IL1RAPL1: variants seen among roughly 807,000 people sequenced by gnomAD.
IL1RAPL1 encodes the protein interleukin 1 receptor accessory protein like 1.
In IL1RAPL1, 3 loss-of-function variants were observed where a neutral mutation model predicts 48.4. That is an observed-to-expected ratio of 0.06 (90% CI 0.03 to 0.16). The LOEUF (loss-of-function observed/expected upper bound fraction) is 0.16, where lower values mean the gene tolerates loss of function less well. Ranked by LOEUF, IL1RAPL1 falls within the 10% of genes least tolerant of loss-of-function variation. The pLI is 1.00. For synonymous variants in IL1RAPL1, 185 were observed against 187.7 expected (o/e 0.99, Z 0.12); for missense variants, 349 against 530.6 (o/e 0.66, Z 3.36).
chrX:29,137,110 GCTTACTGCTTACCTTGGCCTCAGCTAC>G (rs72527992), intron 2 of IL1RAPL1, among the ~76,000 whole-genome samples: 29,928 of 107,839 alleles, frequency 0.28, 4,494 homozygotes, highest in African/African-American at 0.53. Context: ...ATTTTAGACG[GCTTACTGCTTACCTTGGCCTCAGCTAC>G]CTTACTGCTT....
At chrX:28,945,792 T>A (rs918370477) in intron 2 of IL1RAPL1, among the ~76,000 whole-genome samples, 3 of 109,128 alleles carry the variant, frequency 2.7e-5, no homozygotes, top group African/African-American at 1.0e-4. Context: ...TAATAACTCA[T>A]TTTAGTTAGT....
chrX:29,621,537 A>G (rs1924462503), intron 5 of IL1RAPL1, among the ~76,000 whole-genome samples: 1 of 111,163 alleles, frequency 9.0e-6, no homozygotes, highest in Non-Finnish European at 1.9e-5. Flanking sequence ...TTAATTACCC[A>G]AGTGAAAAAA....
chrX:29,171,550 T>C (rs749428782), intron 2 of IL1RAPL1, among the ~76,000 whole-genome samples: 1 of 111,826 alleles, frequency 8.9e-6, no homozygotes, highest in East Asian at 2.8e-4. Context: ...TCTATGTGAG[T>C]ATGATTAAAT....
chrX:29,080,410 CA>C (rs1458859797), intron 2 of IL1RAPL1, among the ~76,000 whole-genome samples: 1 of 109,673 alleles, frequency 9.1e-6, no homozygotes, highest in Non-Finnish European at 1.9e-5. Flanking sequence ...AAAATAAAAA[CA>C]AAAAAATAAA....
chrX:28,913,481 T>C (rs918622425), intron 2 of IL1RAPL1, among the ~76,000 whole-genome samples: 4 of 111,853 alleles, frequency 3.6e-5, no homozygotes, highest in Non-Finnish European at 7.5e-5. Context: ...GGCAAGCTCC[T>C]CCTTTAAGGT....
At chrX:29,628,806 C>T (rs1353021633) in intron 5 of IL1RAPL1, among the ~76,000 whole-genome samples, 1 of 112,076 alleles carries the variant, frequency 8.9e-6, no homozygotes, top group East Asian at 2.8e-4. Flanking sequence ...TGAATAAAGT[C>T]TGCTTTGAGA....
chrX:28,958,914 A>T (rs915401768), intron 2 of IL1RAPL1, among the ~76,000 whole-genome samples: 5 of 111,796 alleles, frequency 4.5e-5, no homozygotes, highest in African/African-American at 1.6e-4. Flanking sequence ...TTTTCTAAGT[A>T]ATTAGATGGG....
chrX:28,670,288 A>G (rs1018337961), intron 1 of IL1RAPL1, among the ~76,000 whole-genome samples: 3 of 111,878 alleles, frequency 2.7e-5, no homozygotes, highest in African/African-American at 9.7e-5. Flanking sequence ...CATCAGTTTT[A>G]AACCAGACCC....
At chrX:29,671,111 CTG>C (rs1264610283) in intron 6 of IL1RAPL1, among the ~76,000 whole-genome samples, 1 of 112,208 alleles carries the variant, frequency 8.9e-6, no homozygotes, top group Non-Finnish European at 1.9e-5. Flanking sequence ...ACCCTAGTAA[CTG>C]TGTGTCCATA....
intron 2 of IL1RAPL1, among the ~76,000 whole-genome samples, chrX:29,221,475 AC>A (rs1456302301): frequency 1.8e-5 from 2 of 110,978 alleles, no homozygotes; most frequent in South Asian, 3.8e-4. Flanking sequence ...ATTTTTATAT[AC>A]CCCGTGAAGG....
intron 5 of IL1RAPL1, among the ~76,000 whole-genome samples, chrX:29,499,398 G>C (rs1261785363): frequency 9.0e-6 from 1 of 111,132 alleles, no homozygotes; most frequent in African/African-American, 3.3e-5. Context: ...TTTTATTCAG[G>C]AAGTGTTAAT....
chrX:28,897,238 T>C (rs1355482817), intron 2 of IL1RAPL1, among the ~76,000 whole-genome samples: 1 of 110,412 alleles, frequency 9.1e-6, no homozygotes, highest in South Asian at 3.9e-4. Flanking sequence ...TCTTGCCCCC[T>C]AGAAAAGCTG....
At chrX:29,306,259 G>A (rs928681959) in intron 3 of IL1RAPL1, among the ~76,000 whole-genome samples, 10 of 111,215 alleles carry the variant, frequency 9.0e-5, no homozygotes, top group Non-Finnish European at 1.3e-4. Flanking sequence ...GGCCGGGCGC[G>A]GTGGCTCACG....
chrX:29,806,579 TA>T (rs1213075997), intron 6 of IL1RAPL1, among the ~76,000 whole-genome samples: 3 of 110,282 alleles, frequency 2.7e-5, no homozygotes, highest in Non-Finnish European at 3.8e-5. Context: ...TCATAGTCTT[TA>T]AAACAATATA....
intron 2 of IL1RAPL1, among the ~76,000 whole-genome samples, chrX:28,958,374 C>T (rs1924673686): frequency 9.0e-6 from 1 of 111,650 alleles, no homozygotes; most frequent in Non-Finnish European, 1.9e-5. Context: ...ACGCTGTACA[C>T]ATCTGATTAT....
At chrX:29,349,768 A>G (rs1238762314) in intron 3 of IL1RAPL1, among the ~76,000 whole-genome samples, 1 of 110,742 alleles carries the variant, frequency 9.0e-6, no homozygotes, top group African/African-American at 3.3e-5. Context: ...AGAAAGCTAT[A>G]AAGTCCCTCT....
chrX:28,911,592 A>G (rs1923360821), intron 2 of IL1RAPL1, among the ~76,000 whole-genome samples: 1 of 111,073 alleles, frequency 9.0e-6, no homozygotes, highest in African/African-American at 3.3e-5. Context: ...ACTTATTTAT[A>G]CCAAGTACTT....
At chrX:29,694,782 C>A (rs1926865548) in intron 6 of IL1RAPL1, among the ~76,000 whole-genome samples, 1 of 111,711 alleles carries the variant, frequency 9.0e-6, no homozygotes, top group African/African-American at 3.3e-5. Context: ...CAAGGCTCCA[C>A]CTCCTAATGC....
chrX:28,763,188 T>C (rs748677433), intron 1 of IL1RAPL1, among the ~76,000 whole-genome samples: 333 of 111,309 alleles, frequency 3.0e-3, no homozygotes, highest in African/African-American at 9.9e-3. Context: ...GCCTAGACTC[T>C]TATCAATCCA....
Sources: gnomAD v4.1 joint callset for allele counts (sites outside exome capture counted in the v4.1 genomes callset) on GRCh38, gnomAD v4.1.1 for gene constraint, MANE v1.5 for transcripts, NCBI Gene and HGNC (gene_info 2026-07-23, HGNC 2026-07-21) for gene names.